The following ARPIN variants were observed in gnomAD, a reference collection of about 807,000 sequenced individuals.
The protein encoded by ARPIN is actin related protein 2/3 complex inhibitor.
ARPIN carries 23 observed loss-of-function variants against 25.9 expected under a neutral mutation model. The ratio of observed to expected loss-of-function variants is 0.89; its 90% confidence interval spans 0.64 to 1.26. ARPIN has a LOEUF of 1.26. Ranked by LOEUF, ARPIN falls within the 50% of genes most tolerant of loss-of-function variation. The pLI, the probability that ARPIN is intolerant of heterozygous loss-of-function variation, is 0.00. For missense variants in ARPIN, 333 were observed against 312.2 expected, an observed-to-expected ratio of 1.07 and a Z score of -0.50; for synonymous variants, 126 against 131.4, an observed-to-expected ratio of 0.96 and a Z score of 0.28.
chr15:89,910,288 C>A lies in ARPIN; in HGVS notation c.168+456G>T, dbSNP rs150588134. 7.3e-4 allele frequency among the ~76,000 whole-genome samples: 111 copies of A among 151,992 alleles called. No individual in the cohort carries two copies. The South Asian group carries it at 9.4e-3, about 13-fold the overall frequency. On this transcript the variant is annotated intron_variant, in intron 2 of 5. Coordinates refer to ENST00000357484, the MANE Select transcript of ARPIN (RefSeq NM_182616.4). ...GAGTGGAAAGTCGGAACTAGCGCTC[C>A]GAAAAAAGACACAGGCTAGTACTGG... is the stretch of plus-strand genomic sequence containing the variant.
chr15:89,903,111 G>A, intron 5 of ARPIN, 105 bp downstream of exon 5: 1 of 1,607,270 alleles, frequency 6.2e-7, no homozygotes, highest in Non-Finnish European at 8.5e-7. Context: ...ACTAAAGCTG[G>A]GGGGTAAGAT....
chr15:89,912,187 T>C, intron 1 of ARPIN: 1 of 984,850 alleles, frequency 1.0e-6, no homozygotes, highest in Non-Finnish European at 1.2e-6. Context: ...AGTATTTGTC[T>C]TTCTGTATCT....
In ARPIN at chr15:89,900,764, C is replaced by T. The variant is rs1427358567; in HGVS notation, c.*1031G>A. 1 of 152,130 alleles carries T rather than the reference C, an allele frequency of 6.6e-6. No homozygotes were observed. Among genetic ancestry groups the T allele is most frequent in the African/African-American group, 2.4e-5 (1 of 41,410 alleles). 9.4% of individuals were successfully genotyped at this position (152,130 alleles called of 1,614,324 possible). A position where few individuals can be genotyped will look rare whatever the true frequency, so the allele number is the denominator to read the frequency against. On this transcript the variant is annotated 3_prime_UTR_variant, in exon 6 of 6. Coordinates refer to ENST00000357484, the MANE Select transcript of ARPIN (RefSeq NM_182616.4). ...CACAGATCTGGGTGTGGGTATACTACCCAAAAGGCAGTGTTCATGAGCCAA... is the reference window on the plus strand; with the variant it reads ...CACAGATCTGGGTGTGGGTATACTATCCAAAAGGCAGTGTTCATGAGCCAA...
At chr15:89,904,683 G>A (rs1897087202) in intron 3 of ARPIN, among the ~76,000 whole-genome samples, 1 of 152,238 alleles carries the variant, frequency 6.6e-6, no homozygotes, top group African/African-American at 2.4e-5. Context: ...TCCCAGGACT[G>A]TGTGTTCACA....
chr15:89,908,062 G>A lies in ARPIN; in HGVS notation c.301+218C>T, dbSNP rs573678469. On this transcript the variant is annotated intron_variant, in intron 3 of 5. Transcript: ENST00000357484. ...ACAGGAAATGGCAGGAGGTGGGAAG[G>A]CCAGCCTGGCCCCTGGAATGGAGGG... 6.0e-4 allele frequency among the ~76,000 whole-genome samples: 92 copies of A among 152,304 alleles called. No individual in the cohort carries two copies. The Middle Eastern group carries it at 0.01, about 17-fold the overall frequency.
chr15:89,902,074 T>C (rs1897030681), intron 5 of ARPIN, among the ~76,000 whole-genome samples: 1 of 152,182 alleles, frequency 6.6e-6, no homozygotes, highest in Admixed American at 6.5e-5. Context: ...CTCCATTACC[T>C]AGATAAATAG....
At position 89,900,775 on chromosome 15, in the gene ARPIN, G is replaced by A. The variant is rs748579499; in HGVS notation, c.*1020C>T. The stretch of plus-strand genomic sequence containing the variant: ...GTGTGGGTATACTACCCAAAAGGCA[G>A]TGTTCATGAGCCAAGAGAAATGGCT... On this transcript the variant is annotated 3_prime_UTR_variant, in exon 6 of 6. Coordinates refer to ENST00000357484, the MANE Select transcript of ARPIN (RefSeq NM_182616.4). 6.6e-6 allele frequency: 1 copy of A among 152,210 alleles called. No individual in the cohort carries two copies. Among genetic ancestry groups the A allele is most frequent in the Non-Finnish European group, 1.5e-5 (1 of 68,050 alleles). The allele number at this position is 152,210 out of a possible 1,614,324, so 9.4% of individuals were successfully genotyped here.
chr15:89,912,662 A>AGGGGGGGGCCC, intron 1 of ARPIN, 82 bp downstream of exon 1: 1 of 661,662 alleles, frequency 1.5e-6, no homozygotes, highest in Non-Finnish European at 1.9e-6. Context: ...CCCCACCCGC[A>AGGGGGGGGCCC]TCCCACCCCC....
chr15:89,905,135 C>G (rs1481669968), intron 3 of ARPIN, among the ~76,000 whole-genome samples: 1 of 152,016 alleles, frequency 6.6e-6, no homozygotes, highest in Non-Finnish European at 1.5e-5. Context: ...AATTCTCCTG[C>G]CTTAGCCTTC....
rs573464283 is a variant in ARPIN at position 89,908,279 on chromosome 15, C to A, written c.301+1G>T. On this transcript the variant is annotated splice_donor_variant, in intron 3 of 5. Coordinates refer to ENST00000357484, the MANE Select transcript of ARPIN (RefSeq NM_182616.4). LOFTEE classifies it high-confidence loss of function. ...AGAGAGGGAGGGCAGAGGATACCTA[C>A]TGTAGGACGACATGAGGAAGCCCGT... The A allele has an allele frequency of 6.2e-7, 1 of 1,614,152 alleles. No individual in the cohort carries two copies. Among genetic ancestry groups the A allele is most frequent in the East Asian group, 2.2e-5 (1 of 44,884 alleles).
At chr15:89,912,620 G>C (rs1273290340) in intron 1 of ARPIN, 124 bp downstream of exon 1, 2 of 1,351,920 alleles carry the variant, frequency 1.5e-6, no homozygotes, top group Non-Finnish European at 1.9e-6. Context: ...CGGACTGAAG[G>C]CGGAGAGGCG....
At chr15:89,909,422 G>C (rs947952814) in intron 2 of ARPIN, among the ~76,000 whole-genome samples, 1 of 152,186 alleles carries the variant, frequency 6.6e-6, no homozygotes, top group Non-Finnish European at 1.5e-5. Context: ...AAAAGCCTGG[G>C]ACAGTATAGG....
At chr15:89,903,433 G>A in intron 4 of ARPIN, 54 bp from the exon 5 acceptor site, 2 of 1,608,684 alleles carry the variant, frequency 1.2e-6, no homozygotes, top group Non-Finnish European at 1.7e-6. Context: ...GAAACATAGT[G>A]AGGGCTGGGC....
intron 2 of ARPIN, among the ~76,000 whole-genome samples, chr15:89,909,494 G>A (rs1390070720): frequency 3.3e-5 from 5 of 152,222 alleles, no homozygotes; most frequent in Non-Finnish European, 7.3e-5. Flanking sequence ...GAGGCCTTCT[G>A]GGAGCCCAGG....
At chr15:89,906,643 T>C (rs1897125089) in intron 3 of ARPIN, among the ~76,000 whole-genome samples, 1 of 152,096 alleles carries the variant, frequency 6.6e-6, no homozygotes. Flanking sequence ...TGGCACATGA[T>C]ATAGATGGTC....
intron 2 of ARPIN, among the ~76,000 whole-genome samples, chr15:89,909,067 G>A (rs1236705436): frequency 6.6e-6 from 1 of 152,160 alleles, no homozygotes; most frequent in African/African-American, 2.4e-5. Context: ...CGCTGCCAAG[G>A]TGCAATGGAA....
intron 1 of ARPIN, chr15:89,912,346 C>T: frequency 9.9e-7 from 1 of 1,011,472 alleles, no homozygotes; most frequent in Non-Finnish European, 1.2e-6. Flanking sequence ...GCTGTTCCCG[C>T]CACAGCACGG....
chr15:89,906,029 C>T (rs1297291697), intron 3 of ARPIN, among the ~76,000 whole-genome samples: 2 of 152,190 alleles, frequency 1.3e-5, no homozygotes, highest in South Asian at 2.1e-4. Context: ...GGCATCATCA[C>T]GACTCCTTCC....
intron 3 of ARPIN, among the ~76,000 whole-genome samples, chr15:89,906,332 C>T (rs1897119645): frequency 6.6e-6 from 1 of 152,190 alleles, no homozygotes; most frequent in Non-Finnish European, 1.5e-5. Context: ...CTCCTGCTGC[C>T]TGCCCTGCAT....
Sources: gnomAD v4.1 joint callset for allele counts (sites outside exome capture counted in the v4.1 genomes callset) on GRCh38, gnomAD v4.1.1 for gene constraint, MANE v1.5 for transcripts, NCBI Gene and HGNC (gene_info 2026-07-23, HGNC 2026-07-21) for gene names.